Variants in MAP4K4 observed in about 807,000 individuals in gnomAD.
MAP4K4 encodes the protein mitogen-activated protein kinase kinase kinase kinase 4.
A neutral mutation model predicts 189.6 loss-of-function variants in MAP4K4; 38 were observed. The observed-to-expected ratio is 0.20, with a 90% CI of 0.15 to 0.26. The LOEUF (loss-of-function observed/expected upper bound fraction) is 0.26, where lower values mean the gene tolerates loss of function less well. Among genes scored for constraint, MAP4K4 ranks in the 10% least tolerant of loss-of-function variants. MAP4K4 has a pLI of 1.00. For missense variants in MAP4K4, 1,054 were observed against 1,726.9 expected (o/e 0.61, Z 6.91); for synonymous variants, 610 against 624.3 (o/e 0.98, Z 0.34).
chr2:101,757,926 G>A (rs1008113201), intron 2 of MAP4K4, among the ~76,000 whole-genome samples: 8 of 152,210 alleles, frequency 5.3e-5, no homozygotes, highest in African/African-American at 1.9e-4. Context: ...TTGAGAGGCT[G>A]AGGCACAAGA....
intron 3 of MAP4K4, among the ~76,000 whole-genome samples, chr2:101,808,871 T>A (rs2095224061): frequency 6.6e-6 from 1 of 152,098 alleles, no homozygotes; most frequent in South Asian, 2.1e-4. Flanking sequence ...TAAAATAATG[T>A]ACTCATCTAG....
intron 2 of MAP4K4, among the ~76,000 whole-genome samples, chr2:101,718,603 T>TGGGGGGGGGGGGGGGGGGGG (rs1331634336): frequency 3.5e-4 from 1 of 2,896 alleles, no homozygotes; most frequent in African/African-American, 1.3e-3. Context: ...GGGTGGGGGA[T>TGGGGGGGGGGGGGGGGGGGG]GGGGGGTGGG....
In MAP4K4 at chr2:101,776,586, CCA is replaced by C. The variant is rs1491351076; in HGVS notation, c.124-14133_124-14132del. On this transcript the variant is annotated intron_variant, in intron 2 of 32. Transcript: ENST00000324219. ...AATGCACCCCCACCCCCCCACCCCCCCAAAAAAAAACACTATGGAAAATGTTA... is the reference window on the plus strand; with the variant it reads ...AATGCACCCCCACCCCCCCACCCCCCAAAAAAAACACTATGGAAAATGTTA... 1.6e-3 allele frequency among the ~76,000 whole-genome samples: 190 copies of C among 118,604 alleles called. 8 individuals are homozygous for C. The highest frequency in any genetic ancestry group is 6.6e-3 in the East Asian group (22 of 3,356). 77.8% of individuals were successfully genotyped at this position (118,604 alleles called of 152,430 possible). A position where few individuals can be genotyped will look rare whatever the true frequency, so the allele number is the denominator to read the frequency against.
intron 7 of MAP4K4, 115 bp from the exon 8 acceptor site, chr2:101,834,294 T>A (rs2096679205): frequency 1.5e-6 from 1 of 669,608 alleles, no homozygotes; most frequent in Non-Finnish European, 2.6e-6. Context: ...TACTTTTAAT[T>A]TTCTGGCAAA....
At chr2:101,876,956 T>A (rs745767727) in intron 26 of MAP4K4, 47 bp from the exon 27 acceptor site, 9 of 1,599,858 alleles carry the variant, frequency 5.6e-6, no homozygotes, top group Non-Finnish European at 6.8e-6. Context: ...CCTGGGGATT[T>A]GCCAAGCACA....
chr2:101,755,933 T>TC (rs2072407215), intron 2 of MAP4K4, among the ~76,000 whole-genome samples: 1 of 92,008 alleles, frequency 1.1e-5, no homozygotes, highest in Admixed American at 1.0e-4. Flanking sequence ...CTTTTTCTTT[T>TC]TTTTTTTTTT....
intron 3 of MAP4K4, among the ~76,000 whole-genome samples, chr2:101,802,511 C>T (rs2094462972): frequency 6.6e-6 from 1 of 152,132 alleles, no homozygotes; most frequent in African/African-American, 2.4e-5. Flanking sequence ...GTTTCTCCAC[C>T]CTGCTCGCCT....
At chr2:101,698,051 T>G in exon 1 of MAP4K4, 11 of 1,316,008 alleles carry the variant, frequency 8.4e-6, no homozygotes, top group Non-Finnish European at 1.1e-5. Flanking sequence ...ACATTTATTG[T>G]TATTTGTTTT....
intron 2 of MAP4K4, among the ~76,000 whole-genome samples, chr2:101,721,552 C>T (rs1010101336): frequency 2.0e-5 from 3 of 151,736 alleles, no homozygotes; most frequent in Non-Finnish European, 4.4e-5. Context: ...TCTCCTGCCT[C>T]GGCTTCCTGA....
chr2:101,755,923 CTTTTTCTTTTTTTTT>C (rs1347603297), intron 2 of MAP4K4, among the ~76,000 whole-genome samples: 1 of 77,182 alleles, frequency 1.3e-5, no homozygotes, highest in Non-Finnish European at 2.9e-5. Context: ...AGTATGAGTT[CTTTTTCTTTTTTTTT>C]TTTTTTTTTT....
intron 24 of MAP4K4, 92 bp from the exon 25 acceptor site, chr2:101,873,555 T>C: frequency 1.4e-6 from 1 of 699,440 alleles, no homozygotes; most frequent in Non-Finnish European, 2.5e-6. Context: ...TATTGGGAAA[T>C]AGTGCAATAT....
chr2:101,797,127 A>G, intron 3 of MAP4K4: 1 of 890,006 alleles, frequency 1.1e-6, no homozygotes, highest in Non-Finnish European at 1.5e-6. Flanking sequence ...TACCCTTTTC[A>G]TTTGGAGGGG....
intron 7 of MAP4K4, among the ~76,000 whole-genome samples, chr2:101,832,229 ATTC>A (rs774800735): frequency 1.3e-5 from 2 of 152,230 alleles, no homozygotes; most frequent in Non-Finnish European, 2.9e-5. Context: ...GAAATTTTAT[ATTC>A]TTGTTAAACC....
intron 3 of MAP4K4, among the ~76,000 whole-genome samples, chr2:101,815,800 A>G (rs932697394): frequency 1.3e-5 from 2 of 152,106 alleles, no homozygotes; most frequent in East Asian, 1.9e-4. Context: ...AGTTTTTCCA[A>G]TCTAGCCAAC....
At chr2:101,866,025 GAACAGT>G (rs2097799589) in intron 18 of MAP4K4, among the ~76,000 whole-genome samples, 1 of 152,216 alleles carries the variant, frequency 6.6e-6, no homozygotes, top group African/African-American at 2.4e-5. Flanking sequence ...CAGTTTTTGA[GAACAGT>G]AACAGGCAGG....
chr2:101,855,061 T>TGTA (rs1277819953), intron 12 of MAP4K4, among the ~76,000 whole-genome samples: 12 of 152,244 alleles, frequency 7.9e-5, no homozygotes, highest in African/African-American at 2.7e-4. Flanking sequence ...TGTGCTTTAC[T>TGTA]GGCAGACAGC....
At chr2:101,706,624 A>C (rs1032542675) in intron 2 of MAP4K4, among the ~76,000 whole-genome samples, 1 of 152,180 alleles carries the variant, frequency 6.6e-6, no homozygotes, top group African/African-American at 2.4e-5. Flanking sequence ...CAGATAATTT[A>C]TTGTTGCAAG....
chr2:101,774,036 T>C (rs2082724154), intron 2 of MAP4K4, among the ~76,000 whole-genome samples: 1 of 151,534 alleles, frequency 6.6e-6, no homozygotes, highest in Non-Finnish European at 1.5e-5. Context: ...AGTGCAGATA[T>C]CTCTTTGATA....
intron 16 of MAP4K4, among the ~76,000 whole-genome samples, chr2:101,863,528 T>C (rs538078071): frequency 1.3e-5 from 2 of 152,316 alleles, no homozygotes; most frequent in Admixed American, 1.3e-4. Flanking sequence ...GAGAGCCTCT[T>C]TGTGGGGAAA....
Sources: gnomAD v4.1 joint callset for allele counts (sites outside exome capture counted in the v4.1 genomes callset) on GRCh38, gnomAD v4.1.1 for gene constraint, MANE v1.5 for transcripts, NCBI Gene and HGNC (gene_info 2026-07-23, HGNC 2026-07-21) for gene names.